Variants in NPSR1 observed in about 807,000 individuals in gnomAD.
NPSR1 encodes the protein neuropeptide S receptor 1.
A neutral mutation model predicts 46.9 loss-of-function variants in NPSR1; 48 were observed. The observed-to-expected ratio is 1.02, with a 90% confidence interval of 0.81 to 1.30. NPSR1 has a LOEUF of 1.30. NPSR1 is among the 50% of genes most tolerant of loss of function. The pLI, the probability that NPSR1 is intolerant of heterozygous loss-of-function variation, is 0.00. For synonymous variants in NPSR1, 176 were observed against 168.1 expected, an observed-to-expected ratio of 1.05 and a Z score of -0.36; for missense variants, 450 against 449.5, an observed-to-expected ratio of 1.00 and a Z score of -0.01.
At chr7:34,796,759 C>T (rs142991597) in intron 3 of NPSR1, among the ~76,000 whole-genome samples, 22 of 152,274 alleles carry the variant, frequency 1.4e-4, no homozygotes, top group African/African-American at 3.6e-4. Context: ...GCCACTTCAG[C>T]GACAGTTTAG....
At chr7:34,790,384 A>C (rs1787676090) in intron 3 of NPSR1, among the ~76,000 whole-genome samples, 1 of 152,000 alleles carries the variant, frequency 6.6e-6, no homozygotes, top group Non-Finnish European at 1.5e-5. Context: ...ACAAATAAAG[A>C]CCACATATGA....
chr7:34,669,894 AACG>A (rs1328563620), intron 1 of NPSR1, among the ~76,000 whole-genome samples: 4 of 152,186 alleles, frequency 2.6e-5, no homozygotes, highest in African/African-American at 9.6e-5. Flanking sequence ...ATCGTGAAAA[AACG>A]AGAGTGTTTT....
chr7:34,859,819 G>A (rs780006407), intron 8 of NPSR1, among the ~76,000 whole-genome samples: 13 of 151,754 alleles, frequency 8.6e-5, no homozygotes, highest in South Asian at 2.1e-4. Context: ...TCACCCAGGC[G>A]ATTCATCCAG....
intron 2 of NPSR1, among the ~76,000 whole-genome samples, chr7:34,689,930 G>A (rs1793160920): frequency 2.0e-5 from 3 of 150,538 alleles, no homozygotes; most frequent in African/African-American, 7.3e-5. Context: ...GGGTAACAAA[G>A]TGGGACCCTG....
intron 2 of NPSR1, among the ~76,000 whole-genome samples, chr7:34,764,525 G>C (rs761999571): frequency 6.6e-5 from 10 of 152,202 alleles, no homozygotes; most frequent in South Asian, 4.1e-4. Flanking sequence ...AGCTGTTACA[G>C]AGACTATACG....
chr7:34,667,815 TCA>T (rs1791826117), intron 1 of NPSR1, among the ~76,000 whole-genome samples: 2 of 151,800 alleles, frequency 1.3e-5, no homozygotes, highest in Admixed American at 1.3e-4. Flanking sequence ...CTTTGCACGC[TCA>T]GTTTTTAAAA....
chr7:34,854,362 A>C (rs1791006633), downstream of NPSR1, among the ~76,000 whole-genome samples: 1 of 152,216 alleles, frequency 6.6e-6, no homozygotes, highest in South Asian at 2.1e-4. Flanking sequence ...GTTAATAATC[A>C]AAGACTATCA....
intron 2 of NPSR1, among the ~76,000 whole-genome samples, chr7:34,729,644 T>C (rs1269272773): frequency 6.6e-6 from 1 of 152,192 alleles, no homozygotes; most frequent in Non-Finnish European, 1.5e-5. Flanking sequence ...AAGATGATTA[T>C]AAAACCAACA....
rs113039310 is a variant in NPSR1 at position 34,768,104 on chromosome 7, C to G, written c.281-10358C>G. On this transcript the variant is annotated intron_variant, in intron 2 of 8. Transcript: ENST00000360581. ...TGTACTGAGACATCACCATGTAGCCCCATGAATATGTACACTTATTTTGTC... is the reference window on the plus strand; with the variant it reads ...TGTACTGAGACATCACCATGTAGCCGCATGAATATGTACACTTATTTTGTC... 2.0e-3 allele frequency among the ~76,000 whole-genome samples: 299 copies of G among 152,100 alleles called. 5 individuals carry two copies. Among genetic ancestry groups the G allele is most frequent in the African/African-American group, 6.6e-3 (274 of 41,514 alleles).
At chr7:34,840,532 C>A (rs1322436306) in intron 6 of NPSR1, among the ~76,000 whole-genome samples, 1 of 152,154 alleles carries the variant, frequency 6.6e-6, no homozygotes, top group Non-Finnish European at 1.5e-5. Context: ...AGCAGGTATC[C>A]CCGGGAAGAG....
Position 34,827,438 on chromosome 7 carries a change from C to A in NPSR1, c.516C>A (p.Ser172Arg). The change falls in exon 5 of 9, where the codon AGC becomes AGA. Residue 172 changes from serine (S) to arginine (R), a missense_variant. Ser to Arg is a moderately radical substitution (Grantham distance 110). Transcript: ENST00000360581. Reference protein sequence around the residue: ...QARVLIVIAWSLSFLFSIPTL... With the variant: ...QARVLIVIAWRLSFLFSIPTL... ...GGGTCCTCATTGTGATCGCCTGGAG[C>A]CTGTCTTTTCTGTTCTCCATTCCCA... 1.2e-6 allele frequency: 2 copies of A among 1,614,044 alleles called. No homozygotes were observed. Among genetic ancestry groups the A allele is most frequent in the Non-Finnish European group, 1.7e-6 (2 of 1,180,010 alleles).
chr7:34,762,086 C>A (rs534072710), intron 2 of NPSR1, among the ~76,000 whole-genome samples: 1 of 152,202 alleles, frequency 6.6e-6, no homozygotes, highest in East Asian at 1.9e-4. Context: ...CTTGGGTTTC[C>A]TTAATTAGAC....
chr7:34,863,255 T>G (rs1451826664), intron 8 of NPSR1, among the ~76,000 whole-genome samples: 1 of 151,900 alleles, frequency 6.6e-6, no homozygotes, highest in African/African-American at 2.4e-5. Flanking sequence ...GCCTTAAATG[T>G]AAGACCTAAA....
chr7:34,747,784 A>G (rs1785284836), intron 2 of NPSR1, among the ~76,000 whole-genome samples: 1 of 152,252 alleles, frequency 6.6e-6, no homozygotes, highest in Non-Finnish European at 1.5e-5. Context: ...TTTACTAGCA[A>G]TTAACTTCAG....
intron 2 of NPSR1, chr7:34,757,940 G>A (rs1397183227): frequency 6.5e-6 from 1 of 152,744 alleles, no homozygotes; most frequent in Non-Finnish European, 1.5e-5. Flanking sequence ...CTGGAAAGAA[G>A]AGTTTCATTG....
chr7:34,870,972 A>G (rs1384831102), intron 8 of NPSR1, among the ~76,000 whole-genome samples: 1 of 151,784 alleles, frequency 6.6e-6, no homozygotes, highest in Non-Finnish European at 1.5e-5. Context: ...AGATGAACAG[A>G]TAGATGGATA....
At chr7:34,669,979 G>A (rs1445044584) in intron 1 of NPSR1, among the ~76,000 whole-genome samples, 1 of 152,160 alleles carries the variant, frequency 6.6e-6, no homozygotes, top group East Asian at 1.9e-4. Context: ...GAAATATATA[G>A]AATACATGGA....
chr7:34,764,307 G>T (rs989360203), intron 2 of NPSR1, among the ~76,000 whole-genome samples: 3 of 152,206 alleles, frequency 2.0e-5, no homozygotes, highest in African/African-American at 7.2e-5. Flanking sequence ...AAAATAGAAT[G>T]AGAAAAGATC....
intron 8 of NPSR1, among the ~76,000 whole-genome samples, chr7:34,868,728 C>A (rs548176185): frequency 1.3e-5 from 2 of 151,662 alleles, no homozygotes; most frequent in Non-Finnish European, 2.9e-5. Flanking sequence ...CTCGTGTTTG[C>A]CCCCTGAGTC....
Sources: allele counts gnomAD v4.1 joint callset (sites outside exome capture counted in the v4.1 genomes callset), GRCh38; gene constraint gnomAD v4.1.1; transcripts MANE v1.5; gene names NCBI Gene and HGNC (gene_info 2026-07-23, HGNC 2026-07-21).